The following SORCS2 variants were observed in gnomAD, a reference collection of about 807,000 sequenced individuals.
SORCS2 encodes sortilin related VPS10 domain containing receptor 2, also known as VPS10 domain-containing receptor SorCS2.
A neutral mutation model predicts 141.6 loss-of-function variants in SORCS2; 100 were observed. The observed-to-expected ratio is 0.71, with a 90% confidence interval of 0.60 to 0.83. The LOEUF (loss-of-function observed/expected upper bound fraction) is 0.83, where lower values mean the gene tolerates loss of function less well. Ranked by LOEUF, SORCS2 falls within the 40% of genes least tolerant of loss-of-function variation. The pLI, the probability that SORCS2 is intolerant of heterozygous loss-of-function variation, is 0.00. For synonymous variants in SORCS2, 789 were observed against 676.9 expected, an observed-to-expected ratio of 1.17 and a Z score of -2.57; for missense variants, 1,646 against 1,560.2, an observed-to-expected ratio of 1.05 and a Z score of -0.93.
chr4:7,707,025 T>C (rs1464810087), intron 14 of SORCS2, among the ~76,000 whole-genome samples: 1 of 152,122 alleles, frequency 6.6e-6, no homozygotes, highest in Non-Finnish European at 1.5e-5. Flanking sequence ...ACTGAGGCTC[T>C]GAGAGGGGAG....
chr4:7,389,382 C>G (rs891257990), intron 1 of SORCS2, among the ~76,000 whole-genome samples: 6 of 152,170 alleles, frequency 3.9e-5, no homozygotes, highest in Non-Finnish European at 7.3e-5. Flanking sequence ...CGAGGCATGT[C>G]TGAGACTCAG....
At chr4:7,243,889 C>T (rs1712886129) in intron 1 of SORCS2, among the ~76,000 whole-genome samples, 2 of 152,152 alleles carry the variant, frequency 1.3e-5, no homozygotes, top group Non-Finnish European at 2.9e-5. Context: ...ACATGCATTC[C>T]CCTCTCCCTG....
At chr4:7,696,324 C>T (rs1271922855) in intron 11 of SORCS2, among the ~76,000 whole-genome samples, 2 of 152,154 alleles carry the variant, frequency 1.3e-5, no homozygotes, top group Non-Finnish European at 2.9e-5. Flanking sequence ...CCATTGGGTA[C>T]AGTGGAAGTC....
At chr4:7,690,673 G>T (rs1337884562) in intron 11 of SORCS2, among the ~76,000 whole-genome samples, 1 of 152,102 alleles carries the variant, frequency 6.6e-6, no homozygotes, top group Non-Finnish European at 1.5e-5. Context: ...TGAATGGATG[G>T]ATGGATGACG....
chr4:7,537,427 GT>G (rs1423156639), intron 3 of SORCS2, among the ~76,000 whole-genome samples: 1 of 152,202 alleles, frequency 6.6e-6, no homozygotes, highest in Non-Finnish European at 1.5e-5. Context: ...CTTGAACGGG[GT>G]CTCTAAGCCC....
chr4:7,208,688 G>T (rs971793486), intron 1 of SORCS2, among the ~76,000 whole-genome samples: 1 of 152,160 alleles, frequency 6.6e-6, no homozygotes, highest in African/African-American at 2.4e-5. Flanking sequence ...GCCCTCCCTT[G>T]CATAGGGTCC....
chr4:7,335,760 C>G (rs575762272), intron 1 of SORCS2, among the ~76,000 whole-genome samples: 1 of 152,216 alleles, frequency 6.6e-6, no homozygotes, highest in African/African-American at 2.4e-5. Flanking sequence ...AAGACTTGCT[C>G]GGGCTCCCGG....
intron 1 of SORCS2, among the ~76,000 whole-genome samples, chr4:7,244,242 G>A (rs1712919865): frequency 6.6e-6 from 1 of 152,308 alleles, no homozygotes; most frequent in African/African-American, 2.4e-5. Flanking sequence ...GCAGCACTGC[G>A]AAGGCTTCTC....
At chr4:7,445,725 C>G (rs1171031321) in intron 2 of SORCS2, among the ~76,000 whole-genome samples, 1 of 152,164 alleles carries the variant, frequency 6.6e-6, no homozygotes, top group Non-Finnish European at 1.5e-5. Context: ...ACTCACCTGT[C>G]AGGCTGCCCT....
At chr4:7,420,577 C>T (rs563423154) in intron 2 of SORCS2, among the ~76,000 whole-genome samples, 1 of 152,292 alleles carries the variant, frequency 6.6e-6, no homozygotes, top group Non-Finnish European at 1.5e-5. Flanking sequence ...GCAGGGTGTC[C>T]AGTGTGGCCA....
chr4:7,447,565 G>C (rs1044560651), intron 2 of SORCS2, among the ~76,000 whole-genome samples: 1 of 151,710 alleles, frequency 6.6e-6, no homozygotes, highest in African/African-American at 2.4e-5. Flanking sequence ...TTCTATTCTG[G>C]AAAGGGTTCT....
intron 17 of SORCS2, among the ~76,000 whole-genome samples, chr4:7,716,380 A>C (rs1003178495): frequency 2.6e-5 from 4 of 152,052 alleles, no homozygotes; most frequent in African/African-American, 9.7e-5. Context: ...CCCATCATCC[A>C]GTTAGCCATC....
intron 2 of SORCS2, among the ~76,000 whole-genome samples, chr4:7,503,094 A>C (rs1199260790): frequency 6.6e-6 from 1 of 152,080 alleles, no homozygotes; most frequent in African/African-American, 2.4e-5. Context: ...GGGCTGGGGA[A>C]TATATCTGGG....
intron 1 of SORCS2, among the ~76,000 whole-genome samples, chr4:7,261,799 C>A (rs1031730089): frequency 6.6e-6 from 1 of 152,228 alleles, no homozygotes; most frequent in Non-Finnish European, 1.5e-5. Flanking sequence ...AGGCTGTGCC[C>A]TGGGCTTTGC....
chr4:7,635,109 C>T (rs1720157130), intron 3 of SORCS2, among the ~76,000 whole-genome samples: 2 of 152,222 alleles, frequency 1.3e-5, no homozygotes, highest in Non-Finnish European at 2.9e-5. Flanking sequence ...TGCTGGCATC[C>T]TCCTCGTGGT....
chr4:7,427,735 A>G (rs73796570), intron 2 of SORCS2, among the ~76,000 whole-genome samples: 28,847 of 151,838 alleles, frequency 0.19, 3,341 homozygotes, highest in African/African-American at 0.32. Flanking sequence ...AGGGGGCAAG[A>G]GAGTGGGAGG....
intron 2 of SORCS2, among the ~76,000 whole-genome samples, chr4:7,479,760 T>C (rs2109365734): frequency 6.6e-6 from 1 of 152,374 alleles, no homozygotes; most frequent in East Asian, 1.9e-4. Flanking sequence ...AGGATACAGA[T>C]GCTCTGCAAA....
chr4:7,704,154 T>G (rs1169264263), intron 13 of SORCS2, 23 bp from the exon 14 acceptor site: 1 of 1,602,040 alleles, frequency 6.2e-7, no homozygotes, highest in Non-Finnish European at 8.5e-7. Context: ...ACCCCAGAGA[T>G]GCTGACGATC....
chr4:7,398,884 A>G (rs954396258), intron 2 of SORCS2, among the ~76,000 whole-genome samples: 2 of 152,186 alleles, frequency 1.3e-5, no homozygotes, highest in Non-Finnish European at 2.9e-5. Flanking sequence ...TGACTGAGCC[A>G]GGGAGTGTGA....
Sources: gnomAD v4.1 joint callset for allele counts (sites outside exome capture counted in the v4.1 genomes callset) on GRCh38, gnomAD v4.1.1 for gene constraint, MANE v1.5 for transcripts, NCBI Gene and HGNC (gene_info 2026-07-23, HGNC 2026-07-21) for gene names.